The following NDST4 variants were observed in gnomAD, a reference collection of about 807,000 sequenced individuals.
The protein encoded by NDST4 is N-deacetylase and N-sulfotransferase 4, also known as N-heparan sulfate sulfotransferase 4.
NDST4 carries 63 observed loss-of-function variants against 100.8 expected under a neutral mutation model. The observed-to-expected ratio is 0.62, with a 90% CI of 0.51 to 0.77. NDST4 has a LOEUF of 0.77. Among genes scored for constraint, NDST4 ranks in the 30% least tolerant of loss-of-function variants. NDST4 has a pLI of 0.00. For synonymous variants in NDST4, 377 were observed against 361.8 expected (o/e 1.04, Z -0.48); for missense variants, 943 against 1,018.4 (o/e 0.93, Z 1.01).
At chr4:114,904,287 C>T (rs566959754) in intron 6 of NDST4, among the ~76,000 whole-genome samples, 3 of 151,884 alleles carry the variant, frequency 2.0e-5, no homozygotes, top group African/African-American at 7.2e-5. Flanking sequence ...TCACAACTAA[C>T]AGAATAATTA....
intron 12 of NDST4, among the ~76,000 whole-genome samples, chr4:114,830,703 T>C (rs935164345): frequency 5.9e-5 from 9 of 152,362 alleles, no homozygotes; most frequent in East Asian, 5.8e-4. Context: ...TTCATTACTA[T>C]GGGACTTGCT....
Position 114,969,823 on chromosome 4 carries a change from ATAAC to A in NDST4, c.1221+603_1221+606del, listed in dbSNP as rs1334079316. On this transcript the variant is annotated intron_variant, in intron 4 of 13. Transcript: ENST00000264363. ...AGAAGCATTTATACTTCTTTGGCAT[ATAAC>A]TAATAATAGGATTGCTCAATCAAAT... 2.1e-4 allele frequency among the ~76,000 whole-genome samples: 32 copies of A among 152,208 alleles called. 1 individual carries two copies. The highest frequency in any genetic ancestry group is 1.2e-4 in the Non-Finnish European group (8 of 68,032).
rs541777549 is a variant in NDST4, at chr4:114,898,542, C to T, written c.1537-27592G>A. Among the ~76,000 whole-genome samples the T allele has an allele frequency of 2.6e-5, 4 of 152,166 alleles. No homozygotes were observed. In the East Asian group the frequency reaches 7.7e-4, roughly 29 times the overall value. Reference sequence around the variant, plus strand: ...TATTTTGTGGGTCTTTTTGCCTCCTCGTATAAACTTTAAAATCAGTTTGCT... The same window carrying T: ...TATTTTGTGGGTCTTTTTGCCTCCTTGTATAAACTTTAAAATCAGTTTGCT... On this transcript the variant is annotated intron_variant, in intron 6 of 13. Transcript: ENST00000264363.
At chr4:114,874,239 T>A (rs573820970) in intron 6 of NDST4, among the ~76,000 whole-genome samples, 221 of 152,274 alleles carry the variant, frequency 1.5e-3, no homozygotes, top group African/African-American at 5.1e-3. Context: ...ATAAGGGTAT[T>A]AATATAGGCT....
chr4:114,881,594 G>A (rs1724369674), intron 6 of NDST4, among the ~76,000 whole-genome samples: 1 of 152,024 alleles, frequency 6.6e-6, no homozygotes, highest in Non-Finnish European at 1.5e-5. Flanking sequence ...AATTTATACA[G>A]CCTCTAATCT....
At chr4:114,843,876 G>A (rs976748623) in intron 10 of NDST4, among the ~76,000 whole-genome samples, 19 of 152,134 alleles carry the variant, frequency 1.2e-4, no homozygotes, top group African/African-American at 2.9e-4. Flanking sequence ...CAAATATCTA[G>A]CTCAGACTTC....
At chr4:114,978,092 G>T (rs1193742524) in intron 2 of NDST4, among the ~76,000 whole-genome samples, 2 of 151,894 alleles carry the variant, frequency 1.3e-5, no homozygotes, top group Non-Finnish European at 2.9e-5. Context: ...GGGCTTTTTA[G>T]TTTGCTTACT....
At chr4:115,081,494 G>A (rs1729301538) in intron 1 of NDST4, among the ~76,000 whole-genome samples, 1 of 152,092 alleles carries the variant, frequency 6.6e-6, no homozygotes, top group Non-Finnish European at 1.5e-5. Flanking sequence ...TGGGGGAAAA[G>A]GCATGCAGGA....
chr4:115,112,200 G>GA (rs796142657), intron 1 of NDST4, among the ~76,000 whole-genome samples: 8,846 of 124,078 alleles, frequency 0.071, 278 homozygotes, highest in Middle Eastern at 0.098. Flanking sequence ...CTTTTGATAT[G>GA]AAAAAAAAAA....
At chr4:114,999,254 C>G (rs1339850990) in intron 2 of NDST4, among the ~76,000 whole-genome samples, 1 of 152,050 alleles carries the variant, frequency 6.6e-6, no homozygotes, top group Non-Finnish European at 1.5e-5. Context: ...TGGATTTAAT[C>G]ATAAGCAGTC....
rs200095808 is a variant in NDST4 at position 114,935,367 on chromosome 4, C to T, written c.1408-33G>A. The stretch of plus-strand genomic sequence containing the variant: ...AAAAAGGGGAAAAACAGCACATGGA[C>T]GTGATTTAATTAAGAACTTCACCTG... On this transcript the variant is annotated intron_variant, in intron 5 of 13. Coordinates refer to ENST00000264363, the MANE Select transcript of NDST4 (RefSeq NM_022569.3). 2,080 of 1,505,268 alleles carry T rather than the reference C, an allele frequency of 1.4e-3. 1 individual carries two copies. Among genetic ancestry groups the T allele is most frequent in the Non-Finnish European group, 1.8e-3 (2,017 of 1,124,812 alleles). 93.2% of individuals were successfully genotyped at this position (1,505,268 alleles called of 1,614,324 possible).
chr4:114,832,955 G>A (rs1442856575), intron 12 of NDST4, among the ~76,000 whole-genome samples: 1 of 152,188 alleles, frequency 6.6e-6, no homozygotes, highest in Non-Finnish European at 1.5e-5. Context: ...TCAGGTCCCA[G>A]TCATCTGAGT....
intron 1 of NDST4, among the ~76,000 whole-genome samples, chr4:115,078,996 T>C (rs1270669826): frequency 6.6e-6 from 1 of 152,034 alleles, no homozygotes. Flanking sequence ...AATTACCCAG[T>C]TGCAGCTATA....
chr4:114,907,394 G>C (rs749287788), intron 6 of NDST4, among the ~76,000 whole-genome samples: 1 of 151,880 alleles, frequency 6.6e-6, no homozygotes, highest in Non-Finnish European at 1.5e-5. Flanking sequence ...TTAAAAATAC[G>C]GTAAATAATA....
intron 2 of NDST4, among the ~76,000 whole-genome samples, chr4:115,027,792 G>A (rs1728020372): frequency 6.6e-6 from 1 of 152,130 alleles, no homozygotes. Flanking sequence ...TTTGTCTTAC[G>A]CCTGTAATCC....
chr4:114,828,020 TCTAC>T, intron 13 of NDST4, 85 bp from the exon 14 acceptor site: 1 of 1,179,088 alleles, frequency 8.5e-7, no homozygotes, highest in Non-Finnish European at 1.2e-6. Flanking sequence ...AAGGAATATA[TCTAC>T]TACAGTATAC....
intron 9 of NDST4, among the ~76,000 whole-genome samples, chr4:114,846,258 C>T (rs764072532): frequency 4.6e-5 from 7 of 152,146 alleles, no homozygotes; most frequent in Admixed American, 6.5e-5. Flanking sequence ...AAGTACTATA[C>T]ATTTGGGCTG....
intron 7 of NDST4, among the ~76,000 whole-genome samples, chr4:114,865,552 A>AT (rs1351215639): frequency 1.3e-5 from 2 of 152,204 alleles, no homozygotes; most frequent in Non-Finnish European, 2.9e-5. Context: ...AACTTATCAA[A>AT]TGTTTCTGTA....
At chr4:114,836,924 T>C (rs1221810421) in intron 11 of NDST4, among the ~76,000 whole-genome samples, 2 of 152,142 alleles carry the variant, frequency 1.3e-5, no homozygotes, top group Non-Finnish European at 2.9e-5. Context: ...TTGATACTTG[T>C]GTATGTTTCA....
Sources: gnomAD v4.1 joint callset for allele counts (sites outside exome capture counted in the v4.1 genomes callset) on GRCh38, gnomAD v4.1.1 for gene constraint, MANE v1.5 for transcripts, NCBI Gene and HGNC (gene_info 2026-07-23, HGNC 2026-07-21) for gene names.